Variants in GLRA1 observed in about 807,000 individuals in gnomAD.
The protein encoded by GLRA1 is glycine receptor subunit alpha-1.
A neutral mutation model predicts 48.3 loss-of-function variants in GLRA1; 37 were observed. The ratio of observed to expected loss-of-function variants is 0.77; its 90% confidence interval spans 0.59 to 1.01. The LOEUF (loss-of-function observed/expected upper bound fraction) is 1.01. Ranked by LOEUF, GLRA1 falls within the 50% of genes least tolerant of loss-of-function variation. GLRA1 has a pLI of 0.00. For missense variants in GLRA1, 427 were observed against 571.0 expected (o/e 0.75, Z 2.57); for synonymous variants, 196 against 210.7 (o/e 0.93, Z 0.60).
intron 5 of GLRA1, among the ~76,000 whole-genome samples, 186 bp from the exon 6 acceptor site, chr5:151,855,363 G>A (rs1050226852): frequency 3.3e-5 from 5 of 152,114 alleles, no homozygotes; most frequent in African/African-American, 1.2e-4. Flanking sequence ...CTACATCAGA[G>A]CCCTTCCACC....
At chr5:151,873,357 T>C (rs750061355) in intron 3 of GLRA1, among the ~76,000 whole-genome samples, 19 of 149,668 alleles carry the variant, frequency 1.3e-4, no homozygotes, top group East Asian at 5.8e-4. Flanking sequence ...TTTATTAAAG[T>C]GCTACATCAG....
chr5:151,832,719 C>T (rs963698551), intron 7 of GLRA1, among the ~76,000 whole-genome samples: 1 of 152,162 alleles, frequency 6.6e-6, no homozygotes, highest in Non-Finnish European at 1.5e-5. Flanking sequence ...AAGTTGAAAA[C>T]ACTCTTCGGG....
chr5:151,844,563 G>A (rs1469851339), intron 7 of GLRA1, among the ~76,000 whole-genome samples: 1 of 144,292 alleles, frequency 6.9e-6, no homozygotes, highest in Non-Finnish European at 1.5e-5. Flanking sequence ...GAGAGGTTAC[G>A]GTGAGCTGAG....
intron 7 of GLRA1, among the ~76,000 whole-genome samples, chr5:151,837,462 G>C (rs924946475): frequency 6.6e-6 from 1 of 152,104 alleles, no homozygotes; most frequent in African/African-American, 2.4e-5. Flanking sequence ...CCAATACTGG[G>C]TATATACCCA....
chr5:151,924,452 C>G (rs1169028030), intron 1 of GLRA1, 42 bp downstream of exon 1: 8 of 1,226,386 alleles, frequency 6.5e-6, no homozygotes, highest in South Asian at 1.2e-5. Flanking sequence ...CTCTTTCCCC[C>G]CATTTCCATC....
At chr5:151,911,538 A>C (rs370767045) in intron 1 of GLRA1, among the ~76,000 whole-genome samples, 1 of 152,042 alleles carries the variant, frequency 6.6e-6, no homozygotes, top group Non-Finnish European at 1.5e-5. Context: ...GCTCCAAGGC[A>C]TACACATAGC....
intron 3 of GLRA1, among the ~76,000 whole-genome samples, chr5:151,885,742 C>T (rs1753885299): frequency 6.6e-6 from 1 of 152,078 alleles, no homozygotes; most frequent in South Asian, 2.1e-4. Flanking sequence ...CAGGGAGCCT[C>T]CTCAGCTTTG....
chr5:151,918,363 C>T (rs574964259), intron 1 of GLRA1, among the ~76,000 whole-genome samples: 169 of 152,270 alleles, frequency 1.1e-3, no homozygotes, highest in Non-Finnish European at 2.1e-3. Context: ...GAACACCATC[C>T]GGTGCCTGTG....
At chr5:151,877,802 C>T (rs1332554667) in intron 3 of GLRA1, among the ~76,000 whole-genome samples, 1 of 152,200 alleles carries the variant, frequency 6.6e-6, no homozygotes, top group Non-Finnish European at 1.5e-5. Context: ...GATTGTGAGG[C>T]CTCCCCAGCC....
intron 1 of GLRA1, among the ~76,000 whole-genome samples, chr5:151,906,560 G>T (rs1403894871): frequency 6.6e-6 from 1 of 152,234 alleles, no homozygotes; most frequent in Non-Finnish European, 1.5e-5. Context: ...TTGGCTCAGA[G>T]AAGTCTTAGG....
intron 6 of GLRA1, among the ~76,000 whole-genome samples, chr5:151,853,455 C>T (rs1486318534): frequency 6.6e-6 from 1 of 150,572 alleles, no homozygotes; most frequent in Non-Finnish European, 1.5e-5. Context: ...AGGGTTTCAC[C>T]ATGTTGGTTA....
chr5:151,918,189 A>G (rs1754785112), intron 1 of GLRA1, among the ~76,000 whole-genome samples: 1 of 152,180 alleles, frequency 6.6e-6, no homozygotes, highest in Non-Finnish European at 1.5e-5. Flanking sequence ...CTGTGTGGAT[A>G]AGCCCCTCTC....
At chr5:151,909,589 T>C (rs1484850104) in intron 1 of GLRA1, among the ~76,000 whole-genome samples, 1 of 152,242 alleles carries the variant, frequency 6.6e-6, no homozygotes, top group African/African-American at 2.4e-5. Flanking sequence ...ATTTAATTTA[T>C]TTTTAATTTG....
chr5:151,905,214 C>A (rs1754448645), intron 1 of GLRA1, among the ~76,000 whole-genome samples: 2 of 151,980 alleles, frequency 1.3e-5, no homozygotes, highest in Non-Finnish European at 2.9e-5. Context: ...TGGGAAAATA[C>A]AATGAGGTTC....
chr5:151,859,706 C>G lies in GLRA1; in HGVS notation c.476+79G>C, dbSNP rs368124233. ...GCCTGTTCACCTCTGTTTGGCCCCT[C>G]TTTTAGAGTCTATGCCCAGAAGGTA... is the stretch of plus-strand genomic sequence containing the variant. On this transcript the variant is annotated intron_variant, in intron 4 of 8. Transcript: ENST00000274576. The G allele has an allele frequency of 2.2e-4, 241 of 1,086,872 alleles. 3 individuals are homozygous for G. In the East Asian group the frequency reaches 3.4e-3, roughly 15 times the overall value. 67.3% of individuals were successfully genotyped at this position (1,086,872 alleles called of 1,614,324 possible).
intron 6 of GLRA1, among the ~76,000 whole-genome samples, chr5:151,854,812 A>G (rs1212765099): frequency 6.6e-6 from 1 of 152,166 alleles, no homozygotes; most frequent in Non-Finnish European, 1.5e-5. Flanking sequence ...TGGAATAATG[A>G]CTGTATTTAC....
At chr5:151,871,562 T>C (rs969166746) in intron 3 of GLRA1, among the ~76,000 whole-genome samples, 1 of 148,610 alleles carries the variant, frequency 6.7e-6, no homozygotes, top group East Asian at 1.9e-4. Context: ...GAGGCTTTTT[T>C]TTTTTTCTTT....
Position 151,861,225 on chromosome 5 carries a change from C to T in GLRA1, c.253-1217G>A, listed in dbSNP as rs576451869. On this transcript the variant is annotated intron_variant, in intron 3 of 8. Coordinates refer to ENST00000274576, the MANE Select transcript of GLRA1 (RefSeq NM_000171.4). ...TCTTTATAGCAGCATGATTTATAAT[C>T]CTTTGGGTATATACCCAGTAATGGG... Among the ~76,000 whole-genome samples, 7 of 152,256 alleles carry T rather than the reference C, an allele frequency of 4.6e-5. No homozygotes were observed. In the South Asian group the frequency reaches 1.4e-3, roughly 32 times the overall value.
intron 1 of GLRA1, among the ~76,000 whole-genome samples, chr5:151,923,916 T>G (rs1409893343): frequency 6.6e-6 from 1 of 152,172 alleles, no homozygotes; most frequent in East Asian, 1.9e-4. Flanking sequence ...GTTATAATAC[T>G]ATTGTTTCCA....
Sources: gnomAD v4.1 joint callset for allele counts (sites outside exome capture counted in the v4.1 genomes callset) on GRCh38, gnomAD v4.1.1 for gene constraint, MANE v1.5 for transcripts, NCBI Gene and HGNC (gene_info 2026-07-23, HGNC 2026-07-21) for gene names.